TMEM178B: variants seen among roughly 807,000 people sequenced by gnomAD.
TMEM178B encodes the protein transmembrane protein 178B.
Under a neutral mutation model 31.0 loss-of-function variants are expected in TMEM178B, and 5 were observed. The observed-to-expected ratio is 0.16, with a 90% CI of 0.08 to 0.34. The LOEUF is 0.34. TMEM178B is among the 10% of genes least tolerant of loss of function. TMEM178B has a pLI of 1.00. For synonymous variants in TMEM178B, 164 were observed against 164.0 expected, an observed-to-expected ratio of 1.00 and a Z score of 0.00; for missense variants, 275 against 400.3, an observed-to-expected ratio of 0.69 and a Z score of 2.67.
intron 2 of TMEM178B, among the ~76,000 whole-genome samples, chr7:141,306,331 G>A (rs1365937035): frequency 4.6e-5 from 7 of 152,172 alleles, no homozygotes; most frequent in Non-Finnish European, 7.3e-5. Context: ...ATGGAGGGAT[G>A]CCCTTTGCTG....
At chr7:141,240,453 T>G (rs1294989342) in intron 2 of TMEM178B, among the ~76,000 whole-genome samples, 1 of 152,220 alleles carries the variant, frequency 6.6e-6, no homozygotes, top group South Asian at 2.1e-4. Flanking sequence ...GTCTTCAGCT[T>G]AGGCTGCAAA....
At chr7:141,333,583 A>G (rs1382072804) in intron 2 of TMEM178B, among the ~76,000 whole-genome samples, 1 of 152,174 alleles carries the variant, frequency 6.6e-6, no homozygotes, top group East Asian at 1.9e-4. Context: ...TGGCCTCCTG[A>G]CCATTGTGGC....
chr7:141,200,861 T>TTG (rs1796864870), intron 1 of TMEM178B, among the ~76,000 whole-genome samples: 1 of 152,070 alleles, frequency 6.6e-6, no homozygotes, highest in Non-Finnish European at 1.5e-5. Context: ...TGACAAGGCT[T>TTG]TGTGTGTGTG....
At chr7:141,245,936 C>T (rs1317551105) in intron 2 of TMEM178B, among the ~76,000 whole-genome samples, 1 of 152,104 alleles carries the variant, frequency 6.6e-6, no homozygotes, top group Non-Finnish European at 1.5e-5. Context: ...TCTGGAACCA[C>T]CGTCAGACTG....
chr7:141,242,341 A>G (rs760602122), intron 2 of TMEM178B, among the ~76,000 whole-genome samples: 2 of 151,614 alleles, frequency 1.3e-5, no homozygotes, highest in Non-Finnish European at 2.9e-5. Flanking sequence ...ATTTCAGCTA[A>G]TCAATAGCCA....
At chr7:141,460,684 C>T (rs1274630827) in intron 3 of TMEM178B, among the ~76,000 whole-genome samples, 1 of 152,232 alleles carries the variant, frequency 6.6e-6, no homozygotes, top group Non-Finnish European at 1.5e-5. Flanking sequence ...CACCTGGGTG[C>T]AGAGCAGTCG....
chr7:141,250,693 C>T (rs1330523414), intron 2 of TMEM178B, among the ~76,000 whole-genome samples: 1 of 152,156 alleles, frequency 6.6e-6, no homozygotes, highest in Non-Finnish European at 1.5e-5. Flanking sequence ...TCCTGCTGAG[C>T]ACCTGGCCAC....
rs1357946732 is a variant in TMEM178B, at chr7:141,344,512, T to C, written c.497-93096T>C. ...TACTTTGAAATTTTTAAAAATGTAA[T>C]TTTAAGACTTTTTAAAGCTGGGATT... On this transcript the variant is annotated intron_variant, in intron 2 of 3. Coordinates refer to ENST00000565468, the MANE Select transcript of TMEM178B (RefSeq NM_001195278.2). The surrounding 1 kb of genome is among the most constrained non-coding windows in gnomAD (Gnocchi z 4.1). Among the ~76,000 whole-genome samples, 1 of 152,168 alleles carries C rather than the reference T, an allele frequency of 6.6e-6. No homozygotes were observed. Among genetic ancestry groups the C allele is most frequent in the African/African-American group, 2.4e-5 (1 of 41,436 alleles).
chr7:141,505,877 C>T, the TMEM178B span, among the ~76,000 whole-genome samples: 5 of 152,202 alleles, frequency 3.3e-5, no homozygotes, highest in Admixed American at 3.3e-4. Context: ...CAAGAGCTTC[C>T]CAATGGTGTC....
intron 2 of TMEM178B, among the ~76,000 whole-genome samples, chr7:141,229,021 T>G (rs1797391890): frequency 6.6e-6 from 1 of 150,642 alleles, no homozygotes; most frequent in Non-Finnish European, 1.5e-5. Context: ...ATCTTTTTTT[T>G]TTTTTTTTTT....
At chr7:141,508,117 A>G in the TMEM178B span, among the ~76,000 whole-genome samples, 2 of 152,172 alleles carry the variant, frequency 1.3e-5, no homozygotes, top group African/African-American at 4.8e-5. Context: ...AACACCTTTA[A>G]CAGTACCCAA....
intron 1 of TMEM178B, among the ~76,000 whole-genome samples, chr7:141,195,392 A>G (rs752531402): frequency 1.2e-4 from 18 of 152,202 alleles, no homozygotes; most frequent in East Asian, 7.7e-4. Context: ...AAGTTCCACA[A>G]ATCTCTCAGG....
At chr7:141,452,672 T>C (rs772209378) in intron 3 of TMEM178B, among the ~76,000 whole-genome samples, 2 of 152,198 alleles carry the variant, frequency 1.3e-5, no homozygotes, top group Non-Finnish European at 2.9e-5. Flanking sequence ...TTCTCATCTG[T>C]AAAATTGACA....
rs1802382846 is a variant in TMEM178B, at chr7:141,477,022, T to C, written c.*6236T>C. ...CTACACTTCATTCCCAAGGACCAGGTGTTGCTCCTTAAGGAACTCTGTATC... is the reference window on the plus strand; with the variant it reads ...CTACACTTCATTCCCAAGGACCAGGCGTTGCTCCTTAAGGAACTCTGTATC... On this transcript the variant is annotated 3_prime_UTR_variant, in exon 4 of 4. Transcript: ENST00000565468. 1 of 154,858 alleles carries C rather than the reference T, an allele frequency of 6.5e-6. No homozygotes were observed. The highest frequency in any genetic ancestry group is 1.5e-5 in the Non-Finnish European group (1 of 68,258). The allele number at this position is 154,858 out of a possible 1,614,324, so 9.6% of individuals were successfully genotyped here.
At chr7:141,362,426 A>G (rs568522816) in intron 2 of TMEM178B, among the ~76,000 whole-genome samples, 10 of 152,284 alleles carry the variant, frequency 6.6e-5, no homozygotes, top group African/African-American at 2.4e-4. Flanking sequence ...TCATAGTAAA[A>G]TGCTGTCCCC....
Position 141,385,580 on chromosome 7 carries a change from C to T in TMEM178B, c.497-52028C>T, listed in dbSNP as rs899799106. 3.9e-5 allele frequency among the ~76,000 whole-genome samples: 6 copies of T among 152,172 alleles called. No individual in the cohort carries two copies. The East Asian group carries it at 5.8e-4, about 15-fold the overall frequency. Reference sequence around the variant, plus strand: ...CCAAACGCATATCATTAATGCTCACCGAAATATTAGCAAACAGTGTTTCCC... The same window carrying T: ...CCAAACGCATATCATTAATGCTCACTGAAATATTAGCAAACAGTGTTTCCC... On this transcript the variant is annotated intron_variant, in intron 2 of 3. Transcript: ENST00000565468.
intron 1 of TMEM178B, among the ~76,000 whole-genome samples, chr7:141,130,949 T>C (rs763646338): frequency 6.6e-6 from 1 of 152,354 alleles, no homozygotes; most frequent in Non-Finnish European, 1.5e-5. Flanking sequence ...CTTTTTTGTT[T>C]ATTTTATAGC....
At chr7:141,160,320 C>T (rs1290412300) in intron 1 of TMEM178B, among the ~76,000 whole-genome samples, 1 of 152,122 alleles carries the variant, frequency 6.6e-6, no homozygotes, top group East Asian at 1.9e-4. Flanking sequence ...ATGCTGGGCC[C>T]TGGTACACAG....
At chr7:141,297,662 C>A (rs963162496) in intron 2 of TMEM178B, among the ~76,000 whole-genome samples, 12 of 152,188 alleles carry the variant, frequency 7.9e-5, no homozygotes, top group Non-Finnish European at 1.5e-4. Flanking sequence ...CAGCTTCATC[C>A]ATGTCCCTAC....
Sources: allele counts gnomAD v4.1 joint callset (sites outside exome capture counted in the v4.1 genomes callset), GRCh38; gene constraint gnomAD v4.1.1; non-coding constraint Gnocchi (gnomAD v3.1); transcripts MANE v1.5; gene names NCBI Gene and HGNC (gene_info 2026-07-23, HGNC 2026-07-21).